SLC14A2: variants seen among roughly 807,000 people sequenced by gnomAD.
The protein encoded by SLC14A2 is urea transporter 2.
Under a neutral mutation model 104.6 loss-of-function variants are expected in SLC14A2, and 91 were observed. That is an observed-to-expected ratio of 0.87 (90% confidence interval 0.73 to 1.04). The LOEUF is 1.04. Ranked by LOEUF, SLC14A2 falls within the 50% of genes least tolerant of loss-of-function variation. The pLI, the probability that SLC14A2 is intolerant of heterozygous loss-of-function variation, is 0.00. For missense variants in SLC14A2, 1,189 were observed against 1,156.0 expected (o/e 1.03, Z -0.41); for synonymous variants, 476 against 466.4 (o/e 1.02, Z -0.27).
At chr18:45,344,191 T>C (rs187934776) in intron 1 of SLC14A2, among the ~76,000 whole-genome samples, 185 of 152,260 alleles carry the variant, frequency 1.2e-3, no homozygotes, top group Middle Eastern at 3.4e-3. Flanking sequence ...TAAATCAATA[T>C]ACACTGATCT....
At position 45,409,845 on chromosome 18, in the gene SLC14A2, T is replaced by A. The variant is rs1199202497; in HGVS notation, c.-124-73388T>A. On this transcript the variant is annotated intron_variant, in intron 1 of 20. Coordinates refer to the SLC14A2 transcript ENST00000586448. ...TTTTCCACAGACCGGGGTTGGAGGGTGGTTTTAGGATGATTCAAGCACATT... is the reference window on the plus strand; with the variant it reads ...TTTTCCACAGACCGGGGTTGGAGGGAGGTTTTAGGATGATTCAAGCACATT... Among the ~76,000 whole-genome samples the A allele has an allele frequency of 2.0e-5, 3 of 152,010 alleles. No homozygotes were observed. The East Asian group carries it at 5.8e-4, about 29-fold the overall frequency.
Position 45,469,462 on chromosome 18 carries a change from G to A in SLC14A2, c.-124-13771G>A, listed in dbSNP as rs577059691. ...GGAGCTCAGGGATACAGGGGTGACAGTCAGGTGGTTATAGAAGAAATGAAA... is the reference window on the plus strand; with the variant it reads ...GGAGCTCAGGGATACAGGGGTGACAATCAGGTGGTTATAGAAGAAATGAAA... On this transcript the variant is annotated intron_variant, in intron 1 of 20. Transcript: ENST00000586448. Among the ~76,000 whole-genome samples, 7 of 152,342 alleles carry A rather than the reference G, an allele frequency of 4.6e-5. No individual in the cohort carries two copies. In the South Asian group the frequency reaches 8.3e-4, roughly 18 times the overall value.
intron 1 of SLC14A2, among the ~76,000 whole-genome samples, chr18:45,441,390 T>C (rs1337703397): frequency 6.6e-6 from 1 of 152,092 alleles, no homozygotes; most frequent in African/African-American, 2.4e-5. Context: ...ACTCCCCTTT[T>C]CTCCACCCAG....
chr18:45,224,342 C>T (rs1279914561), intron 1 of SLC14A2, among the ~76,000 whole-genome samples: 1 of 152,204 alleles, frequency 6.6e-6, no homozygotes, highest in Non-Finnish European at 1.5e-5. Flanking sequence ...GGATGAAGCC[C>T]TGGATCAGCT....
intron 1 of SLC14A2, among the ~76,000 whole-genome samples, chr18:45,406,541 G>C (rs1177307961): frequency 6.6e-6 from 1 of 152,172 alleles, no homozygotes; most frequent in Non-Finnish European, 1.5e-5. Context: ...ATCTAGAACA[G>C]TGAATCCTCT....
the SLC14A2 span, among the ~76,000 whole-genome samples, chr18:45,175,329 C>T: frequency 2.5e-4 from 38 of 151,914 alleles, no homozygotes; most frequent in Non-Finnish European, 4.7e-4. Flanking sequence ...ATTTAAAAAG[C>T]TCCCCAAGAT....
chr18:45,321,948 T>C (rs530821575), intron 1 of SLC14A2, among the ~76,000 whole-genome samples: 2 of 152,176 alleles, frequency 1.3e-5, no homozygotes, highest in Non-Finnish European at 2.9e-5. Flanking sequence ...TTGTTTTGCT[T>C]TGGTTTTTGG....
chr18:45,415,337 A>G (rs1024075426), intron 1 of SLC14A2, among the ~76,000 whole-genome samples: 5 of 152,094 alleles, frequency 3.3e-5, no homozygotes, highest in African/African-American at 4.8e-5. Flanking sequence ...GCTCAAACAA[A>G]TGTGTCATTT....
At chr18:45,354,447 A>G (rs2085531983) in intron 1 of SLC14A2, among the ~76,000 whole-genome samples, 1 of 152,176 alleles carries the variant, frequency 6.6e-6, no homozygotes, top group African/African-American at 2.4e-5. Context: ...ATCTTGAGTA[A>G]GGTCTGCCAT....
At chr18:45,186,941 C>T in the SLC14A2 span, among the ~76,000 whole-genome samples, 42 of 152,188 alleles carry the variant, frequency 2.8e-4, no homozygotes, top group African/African-American at 9.4e-4. Context: ...CATCACATCA[C>T]CCCAAGGCTC....
At chr18:45,614,120 A>C (rs1170270128), upstream of SLC14A2, among the ~76,000 whole-genome samples, 1 of 152,224 alleles carries the variant, frequency 6.6e-6, no homozygotes, top group African/African-American at 2.4e-5. Flanking sequence ...CCTGCATCCC[A>C]GCCATGGCTA....
chr18:45,389,923 C>A (rs540577350), intron 1 of SLC14A2, among the ~76,000 whole-genome samples: 6 of 152,262 alleles, frequency 3.9e-5, no homozygotes, highest in African/African-American at 1.4e-4. Context: ...CGTAAAAGTC[C>A]CATTGGGATA....
At chr18:45,297,953 G>A (rs982148808) in intron 1 of SLC14A2, among the ~76,000 whole-genome samples, 1 of 152,068 alleles carries the variant, frequency 6.6e-6, no homozygotes, top group Non-Finnish European at 1.5e-5. Context: ...TCACTCAAAA[G>A]GTCAAAAGAA....
chr18:45,431,112 G>C (rs1465371), intron 1 of SLC14A2, among the ~76,000 whole-genome samples: 1 of 152,028 alleles, frequency 6.6e-6, no homozygotes, highest in South Asian at 2.1e-4. Flanking sequence ...TCATTTGGAG[G>C]GGTAATTACA....
At chr18:45,597,283 T>C (rs1290953457) in intron 2 of SLC14A2, among the ~76,000 whole-genome samples, 3 of 151,666 alleles carry the variant, frequency 2.0e-5, no homozygotes, top group African/African-American at 7.3e-5. Context: ...GCCAAGATTC[T>C]GCTACTGCAC....
intron 1 of SLC14A2, among the ~76,000 whole-genome samples, chr18:45,272,654 CA>C (rs2084662737): frequency 6.6e-6 from 1 of 151,680 alleles, no homozygotes; most frequent in Non-Finnish European, 1.5e-5. Context: ...TTAATGGGTA[CA>C]AAAAATAGAA....
the SLC14A2 span, among the ~76,000 whole-genome samples, chr18:45,192,252 G>T: frequency 6.6e-6 from 1 of 152,044 alleles, no homozygotes; most frequent in African/African-American, 2.4e-5. Flanking sequence ...TTATTTTTCA[G>T]TTTTATGGAA....
chr18:45,421,502 T>A (rs2086348693), intron 1 of SLC14A2, among the ~76,000 whole-genome samples: 1 of 152,186 alleles, frequency 6.6e-6, no homozygotes, highest in Non-Finnish European at 1.5e-5. Context: ...ACCTAAGGGT[T>A]CATCAGAACA....
At chr18:45,449,363 C>G (rs1227899270) in intron 1 of SLC14A2, among the ~76,000 whole-genome samples, 1 of 152,214 alleles carries the variant, frequency 6.6e-6, no homozygotes, top group Non-Finnish European at 1.5e-5. Context: ...CACCTCCTCT[C>G]TGAAGCCTTC....
Sources: gnomAD v4.1 joint callset for allele counts (sites outside exome capture counted in the v4.1 genomes callset) on GRCh38, gnomAD v4.1.1 for gene constraint, MANE v1.5 for transcripts, NCBI Gene and HGNC (gene_info 2026-07-23, HGNC 2026-07-21) for gene names.